The following GALNT14 variants were observed in gnomAD, a reference collection of about 807,000 sequenced individuals.
GALNT14 encodes UDP-GalNAc:polypeptide N-acetylgalactosaminyltransferase 14.
In GALNT14, 60 loss-of-function variants were observed where a neutral mutation model predicts 77.5. That is an observed-to-expected ratio of 0.77 (90% CI 0.63 to 0.96). The LOEUF is 0.96. Ranked by LOEUF, GALNT14 falls within the 40% of genes least tolerant of loss-of-function variation. The pLI is 0.00. For synonymous variants in GALNT14, 280 were observed against 281.7 expected (o/e 0.99, Z 0.06); for missense variants, 710 against 731.0 (o/e 0.97, Z 0.33).
At chr2:31,025,956 G>A (rs756807368) in intron 1 of GALNT14, among the ~76,000 whole-genome samples, 36 of 152,124 alleles carry the variant, frequency 2.4e-4, no homozygotes, top group Non-Finnish European at 2.6e-4. Flanking sequence ...GATGAGGCCC[G>A]TCTACATTAT....
At chr2:31,011,130 T>C (rs1671002877) in intron 1 of GALNT14, among the ~76,000 whole-genome samples, 1 of 152,186 alleles carries the variant, frequency 6.6e-6, no homozygotes, top group African/African-American at 2.4e-5. Context: ...TCTCCTCCAG[T>C]TACTGTCTCT....
chr2:31,026,191 C>T (rs1210831691), intron 1 of GALNT14, among the ~76,000 whole-genome samples: 1 of 152,154 alleles, frequency 6.6e-6, no homozygotes, highest in Non-Finnish European at 1.5e-5. Context: ...AGGGGCGGGG[C>T]CACTGGCTTT....
At chr2:31,095,991 A>T (rs1339739230) in intron 1 of GALNT14, among the ~76,000 whole-genome samples, 2 of 152,164 alleles carry the variant, frequency 1.3e-5, no homozygotes, top group Non-Finnish European at 2.9e-5. Context: ...AGAGGCTCTT[A>T]GGAGAGATTC....
At chr2:30,968,879 T>G (rs1188116940) in intron 2 of GALNT14, among the ~76,000 whole-genome samples, 1 of 152,162 alleles carries the variant, frequency 6.6e-6, no homozygotes, top group East Asian at 1.9e-4. Flanking sequence ...CTTGCTTATC[T>G]TTGGACACAG....
rs138362630 is a variant in GALNT14 at position 30,969,399 on chromosome 2, C to T, written c.300-3097G>A. Among the ~76,000 whole-genome samples, 456 of 152,260 alleles carry T rather than the reference C, an allele frequency of 3.0e-3. 2 individuals are homozygous for T. Among genetic ancestry groups the T allele is most frequent in the African/African-American group, 0.01 (421 of 41,554 alleles). On this transcript the variant is annotated intron_variant, in intron 2 of 14. Transcript: ENST00000349752. ...ACCACACACCCCAGCTTTTGTGGTA[C>T]AAGTTACTCAGGGGCAAGTTGGGGA...
chr2:30,944,619 G>T (rs2148286934), intron 8 of GALNT14, among the ~76,000 whole-genome samples: 1 of 152,152 alleles, frequency 6.6e-6, no homozygotes, highest in East Asian at 1.9e-4. Context: ...GGACATCATG[G>T]CATGTGTGAG....
At position 30,916,404 on chromosome 2, in the gene GALNT14, C is replaced by T. The variant is rs759873060; in HGVS notation, c.1381-4062G>A. Among the ~76,000 whole-genome samples, 11 of 152,162 alleles carry T rather than the reference C, an allele frequency of 7.2e-5. 1 individual carries two copies. The South Asian group carries it at 1.0e-3, about 14-fold the overall frequency. On this transcript the variant is annotated intron_variant, in intron 13 of 14. Transcript: ENST00000349752. ...AAGCAGCTCAACCCTCGGTTTGGTC[C>T]GGGAACCGTCCCTCCTATCCCAAAG... is the stretch of plus-strand genomic sequence containing the variant.
intron 6 of GALNT14, among the ~76,000 whole-genome samples, chr2:30,952,311 G>T (rs546795263): frequency 6.6e-6 from 1 of 152,100 alleles, no homozygotes; most frequent in Admixed American, 6.5e-5. Flanking sequence ...ACATGCACAC[G>T]TATGTTTATT....
intron 11 of GALNT14, 147 bp from the exon 12 acceptor site, chr2:30,924,970 A>G: frequency 1.7e-6 from 1 of 585,636 alleles, no homozygotes; most frequent in South Asian, 2.4e-5. Flanking sequence ...TGCTGGGGAA[A>G]TTAAGCAAGA....
At chr2:30,925,443 G>A (rs1665314555) in intron 11 of GALNT14, among the ~76,000 whole-genome samples, 1 of 152,210 alleles carries the variant, frequency 6.6e-6, no homozygotes, top group African/African-American at 2.4e-5. Context: ...AACTCAGAGG[G>A]GGACCCTTGC....
chr2:31,013,318 T>C (rs1255889623), intron 1 of GALNT14, among the ~76,000 whole-genome samples: 1 of 152,146 alleles, frequency 6.6e-6, no homozygotes, highest in Admixed American at 6.5e-5. Flanking sequence ...CACATCAAAA[T>C]TGCACACCAC....
chr2:30,989,217 T>C (rs1014141273), intron 2 of GALNT14, among the ~76,000 whole-genome samples: 2 of 152,124 alleles, frequency 1.3e-5, no homozygotes, highest in African/African-American at 2.4e-5. Flanking sequence ...AGAAATGCTA[T>C]GACCGATGCT....
At chr2:31,124,899 A>G (rs917233303) in intron 1 of GALNT14, among the ~76,000 whole-genome samples, 2 of 151,702 alleles carry the variant, frequency 1.3e-5, no homozygotes, top group Non-Finnish European at 2.9e-5. Context: ...TCTTCTTTCT[A>G]CGTGGACTCC....
chr2:30,887,349 G>A, the GALNT14 span, among the ~76,000 whole-genome samples: 5 of 151,714 alleles, frequency 3.3e-5, no homozygotes, highest in Non-Finnish European at 5.9e-5. Flanking sequence ...AATGTGTAAC[G>A]GTTTCAATTT....
intron 1 of GALNT14, among the ~76,000 whole-genome samples, chr2:31,091,676 T>C (rs1430669551): frequency 1.3e-5 from 2 of 152,196 alleles, no homozygotes; most frequent in African/African-American, 2.4e-5. Context: ...AGATTCAGTG[T>C]GTGGTGAGGG....
intron 8 of GALNT14, among the ~76,000 whole-genome samples, 170 bp downstream of exon 8, chr2:30,944,688 C>T (rs1666578252): frequency 6.6e-6 from 1 of 152,120 alleles, no homozygotes; most frequent in Admixed American, 6.5e-5. Context: ...AGCAAGAAGT[C>T]CCCAAGAGGA....
rs1667995536 is a variant in GALNT14, at chr2:30,966,240, T to C, written c.362A>G (p.Asn121Ser). Residue 121 changes from asparagine to serine, a missense_variant, in exon 3 of 15, where the codon AAC (asparagine) becomes AGC (serine). Coordinates refer to ENST00000349752, the MANE Select transcript of GALNT14 (RefSeq NM_024572.4). ...CCTGAGCAGCGTGGAGCGGGCCTCG[T>C]TGTGGAAGGTGATGATGATGCTAGT... is the stretch of plus-strand genomic sequence containing the variant. The part of the protein sequence containing the change: ...PPTSIIITFH[N>S]EARSTLLRTI... 3.1e-6 allele frequency: 5 copies of C among 1,613,792 alleles called. No individual in the cohort carries two copies. The highest frequency in any genetic ancestry group is 4.2e-6 in the Non-Finnish European group (5 of 1,179,888).
intron 6 of GALNT14, among the ~76,000 whole-genome samples, chr2:30,949,311 T>C (rs1285657909): frequency 6.6e-6 from 1 of 152,158 alleles, no homozygotes; most frequent in Non-Finnish European, 1.5e-5. Flanking sequence ...TCAGTGCTGC[T>C]AGCAAGCAGG....
intron 6 of GALNT14, among the ~76,000 whole-genome samples, chr2:30,947,856 G>C (rs1193376631): frequency 1.3e-5 from 2 of 152,200 alleles, no homozygotes; most frequent in Non-Finnish European, 2.9e-5. Context: ...CATTCTGACA[G>C]TAACAAGGTG....
Sources: gnomAD v4.1 joint callset for allele counts (sites outside exome capture counted in the v4.1 genomes callset) on GRCh38, gnomAD v4.1.1 for gene constraint, MANE v1.5 for transcripts, NCBI Gene and HGNC (gene_info 2026-07-23, HGNC 2026-07-21) for gene names.